The following TMCC3 variants were observed in gnomAD, a reference collection of about 807,000 sequenced individuals.
TMCC3 encodes the protein transmembrane and coiled-coil domain protein 3.
In TMCC3, 28 loss-of-function variants were observed where a neutral mutation model predicts 40.2. The ratio of observed to expected loss-of-function variants is 0.70; its 90% CI spans 0.52 to 0.95. The LOEUF (loss-of-function observed/expected upper bound fraction) is 0.95. TMCC3 is among the 40% of genes least tolerant of loss of function. TMCC3 has a pLI of 0.00. For synonymous variants in TMCC3, 255 were observed against 248.5 expected (o/e 1.03, Z -0.25); for missense variants, 554 against 615.2 (o/e 0.90, Z 1.05).
chr12:94,622,613 T>G (rs1255655196), intron 1 of TMCC3, among the ~76,000 whole-genome samples: 1 of 152,118 alleles, frequency 6.6e-6, no homozygotes, highest in Non-Finnish European at 1.5e-5. Flanking sequence ...ACCTTTCTAG[T>G]CCAGGGCACA....
At chr12:94,623,080 CAT>C (rs140105699) in intron 1 of TMCC3, among the ~76,000 whole-genome samples, 8,362 of 152,248 alleles carry the variant, frequency 0.055, 331 homozygotes, top group Non-Finnish European at 0.076. Context: ...GTTTAGCAAA[CAT>C]GTGTCAATCA....
chr12:94,623,759 G>A (rs1433505064), intron 1 of TMCC3, among the ~76,000 whole-genome samples: 3 of 152,248 alleles, frequency 2.0e-5, no homozygotes, highest in Non-Finnish European at 4.4e-5. Context: ...TCCAGAGGTT[G>A]GGCCACGGCC....
intron 2 of TMCC3, among the ~76,000 whole-genome samples, chr12:94,579,469 T>C (rs2068587406): frequency 6.6e-6 from 1 of 152,212 alleles, no homozygotes; most frequent in African/African-American, 2.4e-5. Flanking sequence ...ATCGCGCCAC[T>C]GCACTCTAGC....
At chr12:94,629,328 GTC>G (rs1255022260) in intron 1 of TMCC3, among the ~76,000 whole-genome samples, 4 of 152,194 alleles carry the variant, frequency 2.6e-5, no homozygotes, top group African/African-American at 4.8e-5. Context: ...CCAGTCTAGA[GTC>G]TCTCAGGGTG....
At chr12:94,599,874 C>A (rs2068742117) in intron 1 of TMCC3, among the ~76,000 whole-genome samples, 1 of 152,098 alleles carries the variant, frequency 6.6e-6, no homozygotes, top group Non-Finnish European at 1.5e-5. Flanking sequence ...TCTATAAAAC[C>A]TCCTTAGCCT....
chr12:94,626,559 A>G (rs1392725492), intron 1 of TMCC3, among the ~76,000 whole-genome samples: 1 of 152,216 alleles, frequency 6.6e-6, no homozygotes, highest in East Asian at 1.9e-4. Context: ...ACCAATATCA[A>G]TGCATGAAAT....
intron 1 of TMCC3, among the ~76,000 whole-genome samples, chr12:94,645,455 G>A (rs975128051): frequency 3.3e-5 from 5 of 152,060 alleles, no homozygotes; most frequent in South Asian, 2.1e-4. Flanking sequence ...GTTTTGTTTC[G>A]GAGATGGAGT....
chr12:94,602,709 TC>T (rs2138851517), intron 1 of TMCC3, among the ~76,000 whole-genome samples: 1 of 152,220 alleles, frequency 6.6e-6, no homozygotes, highest in East Asian at 1.9e-4. Flanking sequence ...TTCCTCAGCA[TC>T]CCAAGTAACC....
intron 1 of TMCC3, among the ~76,000 whole-genome samples, chr12:94,634,156 GCT>G (rs2068948081): frequency 6.6e-6 from 1 of 151,962 alleles, no homozygotes; most frequent in Non-Finnish European, 1.5e-5. Context: ...TGTTGGCCAG[GCT>G]GGTCTCGAAC....
At chr12:94,590,164 C>T (rs1226001109) in intron 1 of TMCC3, among the ~76,000 whole-genome samples, 84 of 146,550 alleles carry the variant, frequency 5.7e-4, no homozygotes, top group East Asian at 8.0e-4. Flanking sequence ...TGCAGTGTCG[C>T]GATCTCCGCT....
rs550624483 is a variant in TMCC3 at position 94,617,438 on chromosome 12, A to C, written c.78+32915T>G. On this transcript the variant is annotated intron_variant, in intron 1 of 3. Transcript: ENST00000261226. ...CTAAGGAAATTCCTTTTGGGATTTA[A>C]TGAAATCAGAAAAGGACATGATGTC... Among the ~76,000 whole-genome samples the C allele has an allele frequency of 1.0e-3, 156 of 152,374 alleles. 2 individuals carry two copies. The highest frequency in any genetic ancestry group is 2.1e-3 in the Admixed American group (32 of 15,310).
At chr12:94,645,481 A>C (rs1384466508) in intron 1 of TMCC3, among the ~76,000 whole-genome samples, 1 of 152,224 alleles carries the variant, frequency 6.6e-6, no homozygotes, top group Non-Finnish European at 1.5e-5. Flanking sequence ...TCTGTTGCCC[A>C]GGCTGGAGTG....
chr12:94,604,926 TCTG>T (rs1200081811), intron 1 of TMCC3, among the ~76,000 whole-genome samples: 1 of 150,962 alleles, frequency 6.6e-6, no homozygotes, highest in African/African-American at 2.4e-5. Flanking sequence ...AGCTCAAAAA[TCTG>T]CTGAGAGCCT....
intron 3 of TMCC3, 50 bp downstream of exon 3, chr12:94,578,344 A>C (rs1426818535): frequency 4.4e-6 from 7 of 1,578,936 alleles, no homozygotes; most frequent in Non-Finnish European, 6.0e-6. Context: ...TAAATGAATT[A>C]AGGCTCGGGA....
At chr12:94,572,405 G>T (rs966650986) in intron 3 of TMCC3, among the ~76,000 whole-genome samples, 8 of 141,598 alleles carry the variant, frequency 5.6e-5, no homozygotes, top group African/African-American at 1.9e-4. Flanking sequence ...CTGCCTTCTG[G>T]GTTTAAGCAA....
chr12:94,612,143 T>C (rs2068819815), intron 1 of TMCC3, among the ~76,000 whole-genome samples: 1 of 152,074 alleles, frequency 6.6e-6, no homozygotes, highest in Non-Finnish European at 1.5e-5. Flanking sequence ...GGACTACAGG[T>C]GCACACCATC....
rs1458453119 is a variant in TMCC3 at position 94,570,465 on chromosome 12, G to A, written c.*970C>T. ...GGGGGGCTTATCACAATCAAGATTT[G>A]CCAAAAAACAGCCAGGCATGGTGGC... is the stretch of plus-strand genomic sequence containing the variant. On this transcript the variant is annotated 3_prime_UTR_variant, in exon 4 of 4. Transcript: ENST00000261226. 1 of 152,156 alleles carries A rather than the reference G, an allele frequency of 6.6e-6. No homozygotes were observed. The highest frequency in any genetic ancestry group is 1.5e-5 in the Non-Finnish European group (1 of 68,036). 9.4% of individuals were successfully genotyped at this position (152,156 alleles called of 1,614,324 possible). A position where few individuals can be genotyped will look rare whatever the true frequency, so the allele number is the denominator to read the frequency against.
chr12:94,633,310 G>C (rs977451186), intron 1 of TMCC3, among the ~76,000 whole-genome samples: 1 of 152,152 alleles, frequency 6.6e-6, no homozygotes, highest in East Asian at 1.9e-4. Context: ...AGCAGGAAGA[G>C]AGAAAGGCAT....
chr12:94,625,262 G>A (rs2068897757), intron 1 of TMCC3, among the ~76,000 whole-genome samples: 1 of 151,664 alleles, frequency 6.6e-6, no homozygotes, highest in Admixed American at 6.6e-5. Context: ...ATCTTTTGGT[G>A]GGGGACACAG....
Sources: allele counts gnomAD v4.1 joint callset (sites outside exome capture counted in the v4.1 genomes callset), GRCh38; gene constraint gnomAD v4.1.1; transcripts MANE v1.5; gene names NCBI Gene and HGNC (gene_info 2026-07-23, HGNC 2026-07-21).